Variants in STIM1 observed in about 807,000 individuals in gnomAD.
STIM1 encodes stromal interaction molecule 1.
A neutral mutation model predicts 74.7 loss-of-function variants in STIM1; 25 were observed. The observed-to-expected ratio is 0.33, with a 90% CI of 0.24 to 0.47. The LOEUF is 0.47. STIM1 is among the 20% of genes least tolerant of loss of function. The probability of loss-of-function intolerance (pLI) is 1.00; values close to 1 mark genes in which losing one functional copy is unlikely to be tolerated. For synonymous variants in STIM1, 328 were observed against 348.8 expected, an observed-to-expected ratio of 0.94 and a Z score of 0.66; for missense variants, 728 against 920.8, an observed-to-expected ratio of 0.79 and a Z score of 2.71.
chr11:3,953,662 C>G (rs1056441550), intron 1 of STIM1, among the ~76,000 whole-genome samples: 6 of 152,178 alleles, frequency 3.9e-5, no homozygotes, highest in African/African-American at 1.4e-4. Flanking sequence ...TGAGGCCCTC[C>G]AAATCCCCTT....
At chr11:3,987,652 T>A (rs1424494270) in intron 2 of STIM1, among the ~76,000 whole-genome samples, 1 of 152,228 alleles carries the variant, frequency 6.6e-6, no homozygotes, top group Non-Finnish European at 1.5e-5. Flanking sequence ...GCACAAGACC[T>A]GTCACATAGT....
At chr11:4,083,544 CAGGTT>C in intron 10 of STIM1, 46 bp downstream of exon 10, 1 of 1,557,170 alleles carries the variant, frequency 6.4e-7, no homozygotes, top group Non-Finnish European at 8.7e-7. Context: ...CTTTGATGTA[CAGGTT>C]GAGAAGTCTG....
chr11:3,956,076 G>A (rs2093209273), intron 1 of STIM1, among the ~76,000 whole-genome samples: 1 of 151,688 alleles, frequency 6.6e-6, no homozygotes, highest in African/African-American at 2.4e-5. Flanking sequence ...GATGGCAGGT[G>A]TCAGATCATT....
At chr11:4,021,755 C>T (rs1196811075) in intron 2 of STIM1, among the ~76,000 whole-genome samples, 1 of 152,006 alleles carries the variant, frequency 6.6e-6, no homozygotes, top group African/African-American at 2.4e-5. Context: ...TACATTGAAT[C>T]CGTAGATTGC....
chr11:4,000,920 C>G (rs375809904), intron 2 of STIM1, among the ~76,000 whole-genome samples: 2 of 152,134 alleles, frequency 1.3e-5, no homozygotes, highest in East Asian at 1.9e-4. Context: ...AGCCAAGGCT[C>G]GAGAACTACG....
intron 5 of STIM1, among the ~76,000 whole-genome samples, chr11:4,066,067 C>T (rs1375863933): frequency 1.3e-5 from 2 of 152,144 alleles, no homozygotes; most frequent in African/African-American, 4.8e-5. Context: ...AACCACTTCC[C>T]TTGTCTCAGG....
chr11:4,036,087 G>A (rs1459883952), intron 3 of STIM1, among the ~76,000 whole-genome samples: 1 of 152,070 alleles, frequency 6.6e-6, no homozygotes, highest in Non-Finnish European at 1.5e-5. Flanking sequence ...GCTCTCACTT[G>A]CAAGTGAGAA....
chr11:4,046,111 CTGGAGTGCAGTGG>C (rs1325827668), intron 3 of STIM1, among the ~76,000 whole-genome samples: 1 of 117,466 alleles, frequency 8.5e-6, no homozygotes, highest in Non-Finnish European at 1.6e-5. Flanking sequence ...GTCGCCCAGG[CTGGAGTGCAGTGG>C]TGCGATCTCA....
intron 1 of STIM1, chr11:3,947,818 G>T (rs968744014): frequency 6.6e-6 from 1 of 152,190 alleles, no homozygotes; most frequent in Non-Finnish European, 1.5e-5. Flanking sequence ...TGACCTTGGG[G>T]AAGTCACTTA....
chr11:4,083,555 G>T, intron 10 of STIM1, 57 bp downstream of exon 10: 1 of 1,519,076 alleles, frequency 6.6e-7, no homozygotes, highest in South Asian at 1.2e-5. Context: ...AGGTTGAGAA[G>T]TCTGTGGCCT....
intron 1 of STIM1, among the ~76,000 whole-genome samples, chr11:3,949,113 A>T (rs576779575): frequency 1.3e-4 from 20 of 152,342 alleles, no homozygotes; most frequent in African/African-American, 4.8e-4. Flanking sequence ...CCAAATTGTG[A>T]TACAGAGAAG....
intron 3 of STIM1, among the ~76,000 whole-genome samples, chr11:4,045,152 G>T (rs990249273): frequency 6.6e-6 from 1 of 152,044 alleles, no homozygotes; most frequent in Non-Finnish European, 1.5e-5. Context: ...GGCCCTTGAT[G>T]TACTGCTGGC....
In STIM1 at chr11:4,092,487, A is replaced by G. The variant is rs1017583766; in HGVS notation, c.*689A>G. The G allele has an allele frequency of 5.8e-5, 9 of 156,248 alleles. No homozygotes were observed. The highest frequency in any genetic ancestry group is 1.3e-4 in the Non-Finnish European group (9 of 70,358). The allele number at this position is 156,248 out of a possible 1,614,324, so 9.7% of individuals were successfully genotyped here. A position where few individuals can be genotyped will look rare whatever the true frequency, so the allele number is the denominator to read the frequency against. On this transcript the variant is annotated 3_prime_UTR_variant, in exon 13 of 13. Coordinates refer to ENST00000526596, the MANE Select transcript of STIM1 (RefSeq NM_001382567.1). ...GGGAGAGGCATCTGTTCATTGGAGC[A>G]TGAGTGGATGCCAGAACTGTAGGTT...
chr11:4,061,661 A>G (rs759802585), intron 5 of STIM1, among the ~76,000 whole-genome samples: 4 of 152,202 alleles, frequency 2.6e-5, no homozygotes, highest in African/African-American at 4.8e-5. Flanking sequence ...CAAAGAATTG[A>G]AGACAAGTAC....
intron 4 of STIM1, among the ~76,000 whole-genome samples, chr11:4,056,804 C>T (rs375221065): frequency 1.3e-5 from 2 of 152,218 alleles, no homozygotes; most frequent in Non-Finnish European, 2.9e-5. Context: ...AGTTGATTCT[C>T]ACAACTCTGG....
intron 10 of STIM1, 62 bp downstream of exon 10, chr11:4,083,560 T>C (rs968314925): frequency 1.0e-5 from 15 of 1,498,332 alleles, no homozygotes; most frequent in Admixed American, 7.8e-5. Flanking sequence ...GAGAAGTCTG[T>C]GGCCTCTGTT....
Position 3,956,823 on chromosome 11 carries a change from C to CAAAAAAAAA in STIM1, c.140-10709_140-10701dup, listed in dbSNP as rs78285130. On this transcript the variant is annotated intron_variant, in intron 1 of 12. Transcript: ENST00000526596. ...GGGTGACAGAGCAAGACCCTGTCTC[C>CAAAAAAAAA]AAAAAAAAAAAAAAAAAAAAAAAAA... Among the ~76,000 whole-genome samples, 115 of 38,198 alleles carry CAAAAAAAAA rather than the reference C, an allele frequency of 3.0e-3. 19 individuals are homozygous for CAAAAAAAAA. Among genetic ancestry groups the CAAAAAAAAA allele is most frequent in the East Asian group, 8.3e-3 (10 of 1,210 alleles). 25.1% of individuals were successfully genotyped at this position (38,198 alleles called of 152,430 possible).
chr11:3,946,638 T>A (rs951971362), intron 1 of STIM1, among the ~76,000 whole-genome samples: 1 of 152,182 alleles, frequency 6.6e-6, no homozygotes, highest in Non-Finnish European at 1.5e-5. Flanking sequence ...GCATTTTAAT[T>A]TTGGCTCCTT....
Position 4,092,279 on chromosome 11 carries a change from GT to G in STIM1, c.*484del. 1 of 217,866 alleles carries G rather than the reference GT, an allele frequency of 4.6e-6. No homozygotes were observed. The highest frequency in any genetic ancestry group is 7.8e-5 in the South Asian group (1 of 12,814). The allele number at this position is 217,866 out of a possible 1,614,324, so 13.5% of individuals were successfully genotyped here. ...GTTCCACCCCACTCACAGTGGTTCT[GT>G]TTGCTCCAGACTGGGGCTAGGGCCT... On this transcript the variant is annotated 3_prime_UTR_variant, in exon 13 of 13. Coordinates refer to ENST00000526596, the MANE Select transcript of STIM1 (RefSeq NM_001382567.1).
Sources: gnomAD v4.1 joint callset for allele counts (sites outside exome capture counted in the v4.1 genomes callset) on GRCh38, gnomAD v4.1.1 for gene constraint, MANE v1.5 for transcripts, NCBI Gene and HGNC (gene_info 2026-07-23, HGNC 2026-07-21) for gene names.